MCTP2: variants seen among roughly 807,000 people sequenced by gnomAD.
The protein encoded by MCTP2 is multiple C2 and transmembrane domain containing 2.
MCTP2 carries 132 observed loss-of-function variants against 111.6 expected under a neutral mutation model. That is an observed-to-expected ratio of 1.18 (90% CI 1.03 to 1.37). MCTP2 has a LOEUF of 1.37. MCTP2 is among the 40% of genes most tolerant of loss of function. The pLI, the probability that MCTP2 is intolerant of heterozygous loss-of-function variation, is 0.00. For missense variants in MCTP2, 1,183 were observed against 1,067.9 expected (o/e 1.11, Z -1.50); for synonymous variants, 395 against 387.7 (o/e 1.02, Z -0.22).
chr15:94,437,240 T>A (rs974638026), intron 17 of MCTP2, among the ~76,000 whole-genome samples: 10 of 150,482 alleles, frequency 6.6e-5, no homozygotes, highest in Admixed American at 3.3e-4. Context: ...AAAATCGTCA[T>A]GATTTGCAGT....
At position 94,241,479 on chromosome 15, in the gene MCTP2, C is replaced by T. The variant is rs191448907; in HGVS notation, c.-66+9815C>T. On this transcript the variant is annotated intron_variant, in intron 1 of 22. Transcript: ENST00000357742. ...TAGTAATATCCTAAATCTGGCCAGT[C>T]GGAAAACCAGGTCTTGCCTGTCGAT... Among the ~76,000 whole-genome samples, 4 of 152,218 alleles carry T rather than the reference C, an allele frequency of 2.6e-5. No individual in the cohort carries two copies. The East Asian group carries it at 5.8e-4, about 22-fold the overall frequency.
intron 12 of MCTP2, among the ~76,000 whole-genome samples, chr15:94,372,259 G>A (rs1348522225): frequency 6.6e-6 from 1 of 152,158 alleles, no homozygotes; most frequent in Non-Finnish European, 1.5e-5. Context: ...AGTGAATTGA[G>A]GAAAAGTGAT....
intron 4 of MCTP2, 48 bp downstream of exon 4, chr15:94,315,685 T>A: frequency 7.6e-7 from 1 of 1,323,000 alleles, no homozygotes; most frequent in African/African-American, 1.4e-5. Context: ...AACTTCTTTC[T>A]CTCTGTCCTT....
rs781682771 is a variant in MCTP2 at position 94,370,176 on chromosome 15, C to T, written c.1578C>T (p.Phe526=). The T allele has an allele frequency of 6.2e-7, 1 of 1,609,344 alleles. No homozygotes were observed. Among genetic ancestry groups the T allele is most frequent in the Non-Finnish European group, 8.5e-7 (1 of 1,177,618 alleles). Residue 526 remains phenylalanine (F), a synonymous_variant, in exon 12 of 23, where the codon TTC becomes TTT. Transcript: ENST00000357742. ...LKAADLLAAD[F]SGKSDPFCLL... ...CAGCAGATCTCTTAGCGGCAGATTT[C>T]TCAGGTACAGGACATTTTCATTTTC...
chr15:94,341,514 A>G (rs2077639848), intron 7 of MCTP2: 1 of 152,242 alleles, frequency 6.6e-6, no homozygotes, highest in South Asian at 2.1e-4. Context: ...GCTTTTTAAG[A>G]TGTGTTATAA....
At chr15:94,459,304 T>C (rs544333117) in intron 20 of MCTP2, among the ~76,000 whole-genome samples, 1 of 152,308 alleles carries the variant, frequency 6.6e-6, no homozygotes, top group South Asian at 2.1e-4. Flanking sequence ...GGGAAAGCCT[T>C]ATGCATTAAA....
At chr15:94,413,117 C>A (rs887390081) in intron 17 of MCTP2, among the ~76,000 whole-genome samples, 2 of 152,104 alleles carry the variant, frequency 1.3e-5, no homozygotes, top group African/African-American at 4.8e-5. Context: ...GCTTGGCAAT[C>A]GCTTGAGTTT....
At chr15:94,295,036 G>A (rs563440945) in intron 1 of MCTP2, among the ~76,000 whole-genome samples, 1 of 123,852 alleles carries the variant, frequency 8.1e-6, no homozygotes, top group South Asian at 2.8e-4. Flanking sequence ...TGCAACCTCC[G>A]CCTCCTCGGT....
At chr15:94,289,217 A>G (rs2152323139) in intron 1 of MCTP2, among the ~76,000 whole-genome samples, 1 of 152,354 alleles carries the variant, frequency 6.6e-6, no homozygotes, top group Non-Finnish European at 1.5e-5. Flanking sequence ...AACTTAAAAA[A>G]ATATTGAAGT....
Position 94,243,023 on chromosome 15 carries a change from G to C in MCTP2, c.-66+11359G>C, listed in dbSNP as rs532790920. On this transcript the variant is annotated intron_variant, in intron 1 of 22. Coordinates refer to ENST00000357742, the MANE Select transcript of MCTP2 (RefSeq NM_001385001.1). The stretch of plus-strand genomic sequence containing the variant: ...TATCTACACATACACGTGTATATGT[G>C]TATCTACACATACACGTGTATATGT... Among the ~76,000 whole-genome samples, 2 of 75,430 alleles carry C rather than the reference G, an allele frequency of 2.7e-5. 1 individual carries two copies. The highest frequency in any genetic ancestry group is 6.2e-4 in the East Asian group (2 of 3,204). The allele number at this position is 75,430 out of a possible 152,430, so 49.5% of individuals were successfully genotyped here.
At chr15:94,389,073 T>G (rs2080700984) in intron 14 of MCTP2, among the ~76,000 whole-genome samples, 1 of 152,064 alleles carries the variant, frequency 6.6e-6, no homozygotes, top group South Asian at 2.1e-4. Context: ...AATAAACATA[T>G]AAGTCTCACA....
chr15:94,436,149 GCTCTGGT>G (rs2083465962), intron 17 of MCTP2, among the ~76,000 whole-genome samples: 2 of 152,092 alleles, frequency 1.3e-5, no homozygotes, highest in Non-Finnish European at 2.9e-5. Flanking sequence ...CTCTGCAGTG[GCTCTGGT>G]TGTCCCTGAG....
At chr15:94,460,429 G>T (rs2085112629) in intron 20 of MCTP2, among the ~76,000 whole-genome samples, 1 of 152,180 alleles carries the variant, frequency 6.6e-6, no homozygotes, top group Admixed American at 6.5e-5. Context: ...AGTGCCTAGA[G>T]ATGAGGCATG....
intron 4 of MCTP2, among the ~76,000 whole-genome samples, chr15:94,329,647 A>G (rs925227546): frequency 4.6e-5 from 7 of 151,996 alleles, no homozygotes; most frequent in Non-Finnish European, 2.9e-5. Context: ...ATCCACCACC[A>G]TGACCGGATG....
chr15:94,383,142 T>C (rs908930639), intron 12 of MCTP2, among the ~76,000 whole-genome samples: 1 of 152,222 alleles, frequency 6.6e-6, no homozygotes, highest in Non-Finnish European at 1.5e-5. Context: ...TCGTGTATTC[T>C]CATAACGTAC....
intron 17 of MCTP2, among the ~76,000 whole-genome samples, chr15:94,409,846 C>G (rs551128286): frequency 2.0e-3 from 309 of 151,510 alleles, no homozygotes; most frequent in Non-Finnish European, 4.0e-3. Context: ...ACCCTCCTCC[C>G]CTATTTTCCA....
chr15:94,279,081 A>G (rs537270053), intron 1 of MCTP2, among the ~76,000 whole-genome samples: 1 of 152,070 alleles, frequency 6.6e-6, no homozygotes, highest in Admixed American at 6.5e-5. Context: ...TTTTGCTTAG[A>G]ATTGCTTTGG....
chr15:94,466,863 T>C (rs2073369988), intron 20 of MCTP2, among the ~76,000 whole-genome samples: 1 of 152,140 alleles, frequency 6.6e-6, no homozygotes, highest in South Asian at 2.1e-4. Context: ...CGGTGTGGAA[T>C]GGTATTGCTA....
chr15:94,347,528 T>A (rs917293387), intron 8 of MCTP2, among the ~76,000 whole-genome samples: 5 of 152,214 alleles, frequency 3.3e-5, no homozygotes, highest in African/African-American at 1.2e-4. Context: ...GATTCTTTTT[T>A]TCAACTGTTT....
Sources: gnomAD v4.1 joint callset for allele counts (sites outside exome capture counted in the v4.1 genomes callset) on GRCh38, gnomAD v4.1.1 for gene constraint, MANE v1.5 for transcripts, NCBI Gene and HGNC (gene_info 2026-07-23, HGNC 2026-07-21) for gene names.